The following AFF2 variants were observed in gnomAD, a reference collection of about 807,000 sequenced individuals.
AFF2 encodes AF4/FMR2 family member 2.
In AFF2, 14 loss-of-function variants were observed where a neutral mutation model predicts 76.9. The observed-to-expected ratio is 0.18, with a 90% CI of 0.12 to 0.28. AFF2 has a LOEUF of 0.28. Among genes scored for constraint, AFF2 ranks in the 10% least tolerant of loss-of-function variants. AFF2 has a pLI of 1.00. For missense variants in AFF2, 868 were observed against 1,001.1 expected (o/e 0.87, Z 1.79); for synonymous variants, 398 against 366.7 (o/e 1.09, Z -0.98).
intron 3 of AFF2, among the ~76,000 whole-genome samples, chrX:148,768,338 G>C (rs1391626961): frequency 1.8e-5 from 2 of 109,734 alleles, no homozygotes; most frequent in Non-Finnish European, 3.8e-5. Context: ...GGCTGGCCTG[G>C]GACATGTGTC....
At chrX:148,804,901 A>G (rs782034203) in intron 3 of AFF2, among the ~76,000 whole-genome samples, 2 of 111,801 alleles carry the variant, frequency 1.8e-5, no homozygotes, top group Non-Finnish European at 3.8e-5. Flanking sequence ...TAGTTTTCCA[A>G]ATTCATTTTG....
At chrX:148,800,034 A>G (rs1430781324) in intron 3 of AFF2, among the ~76,000 whole-genome samples, 1 of 112,123 alleles carries the variant, frequency 8.9e-6, no homozygotes, top group Non-Finnish European at 1.9e-5. Flanking sequence ...CAGATCTAAG[A>G]GATTTCAGAA....
chrX:148,764,380 G>A (rs1412204448), intron 3 of AFF2, among the ~76,000 whole-genome samples: 3 of 112,138 alleles, frequency 2.7e-5, no homozygotes, highest in Non-Finnish European at 3.8e-5. Flanking sequence ...ATTAGAATTA[G>A]CATTAAAAGA....
intron 1 of AFF2, among the ~76,000 whole-genome samples, chrX:148,532,065 A>G (rs2052736468): frequency 1.8e-5 from 2 of 111,063 alleles, no homozygotes; most frequent in Admixed American, 1.9e-4. Context: ...CAGAACATAC[A>G]AATTGATATT....
rs782714825 is a variant in AFF2, at chrX:148,617,048, CTT to C, written c.48-34949_48-34948del. Reference sequence around the variant, plus strand: ...ACAATAAACATACGTGTGCATGTGTCTTTATAGCAGCATGATTTATAGTCCTT... The same window carrying C: ...ACAATAAACATACGTGTGCATGTGTCTATAGCAGCATGATTTATAGTCCTT... On this transcript the variant is annotated intron_variant, in intron 1 of 20. Transcript: ENST00000370460. Among the ~76,000 whole-genome samples the C allele has an allele frequency of 2.1e-4, 23 of 111,784 alleles. No individual in the cohort carries two copies. The East Asian group carries it at 5.9e-3, about 29-fold the overall frequency.
Position 148,980,790 on chromosome X carries a change from A to G in AFF2, c.3623A>G (p.Lys1208Arg). ...QIPSPWVSNGKNTPSPVSLNN... is the reference protein window; with the variant it reads ...QIPSPWVSNGRNTPSPVSLNN... ...CCCTCTCCATGGGTAAGCAATGGAAAGTAAGTATTTTCTGAAAATTGCTTT... is the reference window on the plus strand; with the variant it reads ...CCCTCTCCATGGGTAAGCAATGGAAGGTAAGTATTTTCTGAAAATTGCTTT... Residue 1208 changes from lysine to arginine, a missense_variant and splice_region_variant, in exon 19 of 21, where the codon AAG becomes AGG. By Grantham distance (26) the Lys-to-Arg change is conservative. Around this residue, in one of 6 missense-constraint regions of AFF2, gnomAD observed 46 missense variants for 40.8 expected, o/e 1.13. Coordinates refer to ENST00000370460, the MANE Select transcript of AFF2 (RefSeq NM_002025.4). 8.4e-7 allele frequency: 1 copy of G among 1,187,658 alleles called. No homozygotes were observed. Among genetic ancestry groups the G allele is most frequent in the Non-Finnish European group, 1.1e-6 (1 of 878,702 alleles).
At chrX:148,643,110 A>C (rs2054106368) in intron 1 of AFF2, among the ~76,000 whole-genome samples, 1 of 111,838 alleles carries the variant, frequency 8.9e-6, no homozygotes, top group Admixed American at 9.5e-5. Context: ...AGAGTGAATG[A>C]AGAAATATTG....
intron 3 of AFF2, among the ~76,000 whole-genome samples, chrX:148,752,172 A>G (rs1196927342): frequency 6.3e-5 from 7 of 111,797 alleles, no homozygotes; most frequent in Non-Finnish European, 9.4e-5. Flanking sequence ...GGGAATGTAA[A>G]CATTCAGACT....
intron 3 of AFF2, among the ~76,000 whole-genome samples, chrX:148,765,373 T>C (rs1310186769): frequency 2.7e-5 from 3 of 112,051 alleles, no homozygotes; most frequent in African/African-American, 9.7e-5. Flanking sequence ...CATTCTGTCA[T>C]ACAATGATGC....
At chrX:148,920,989 A>C (rs185825738) in intron 9 of AFF2, among the ~76,000 whole-genome samples, 6 of 111,392 alleles carry the variant, frequency 5.4e-5, no homozygotes, top group African/African-American at 2.0e-4. Flanking sequence ...GAGCCGCTGC[A>C]GCAAACCCTG....
intron 3 of AFF2, 120 bp downstream of exon 3, chrX:148,662,888 T>G: frequency 1.3e-6 from 1 of 769,781 alleles, no homozygotes. Context: ...AGGATACTCT[T>G]CAAGTTCAGG....
At chrX:148,815,195 A>T (rs782098456) in intron 4 of AFF2, among the ~76,000 whole-genome samples, 1 of 112,005 alleles carries the variant, frequency 8.9e-6, no homozygotes, top group South Asian at 3.7e-4. Context: ...AATTTAGACT[A>T]TAATTAATGT....
Position 148,987,506 on chromosome X carries a change from C to A in AFF2, c.3763C>A (p.Arg1255=). ...SHVNITSNVL[R]GYEHWDMADK... is the part of the protein sequence containing the mutation. ...CGTCAACATCACTAGCAATGTGTTA[C>A]GGGGCTATGAACACTGGGATATGGC... Residue 1255 remains arginine, a synonymous_variant, in exon 20 of 21, where the codon CGG becomes AGG. Coordinates refer to ENST00000370460, the MANE Select transcript of AFF2 (RefSeq NM_002025.4). 1 of 1,211,414 alleles carries A rather than the reference C, an allele frequency of 8.3e-7. No homozygotes were observed. Among genetic ancestry groups the A allele is most frequent in the South Asian group, 1.8e-5 (1 of 56,925 alleles).
Position 148,780,709 on chromosome X carries a change from G to A in AFF2, c.1042-29167G>A, listed in dbSNP as rs147049314. On this transcript the variant is annotated intron_variant, in intron 3 of 20. Transcript: ENST00000370460. The stretch of plus-strand genomic sequence containing the variant: ...AGGTTAGAACATGCTCCTTTAGCTC[G>A]GAGGAGTTTGTTATTACCCAGCTTC... Among the ~76,000 whole-genome samples, 739 of 111,519 alleles carry A rather than the reference G, an allele frequency of 6.6e-3. 6 individuals carry two copies. The highest frequency in any genetic ancestry group is 0.023 in the African/African-American group (695 of 30,625).
intron 1 of AFF2, among the ~76,000 whole-genome samples, chrX:148,646,853 A>G (rs1169678346): frequency 8.9e-6 from 1 of 111,838 alleles, no homozygotes; most frequent in Non-Finnish European, 1.9e-5. Flanking sequence ...CTCCAGATCC[A>G]AGGTTCTTGT....
intron 1 of AFF2, among the ~76,000 whole-genome samples, chrX:148,533,527 C>T (rs1261230490): frequency 9.0e-6 from 1 of 111,192 alleles, no homozygotes; most frequent in Non-Finnish European, 1.9e-5. Context: ...CTCCTGACCT[C>T]GTGATCCGCC....
In AFF2 at chrX:148,955,747, G is replaced by A. The variant is rs1369501597; in HGVS notation, c.1702G>A (p.Val568Ile). 17 of 1,209,993 alleles carry A rather than the reference G, an allele frequency of 1.4e-5. No homozygotes were observed. The highest frequency in any genetic ancestry group is 1.9e-5 in the Non-Finnish European group (17 of 895,319). ...TCCTCCAATCATCCAACCAATGGAA[G>A]TCCAGATGAAAGTGAAGACGAATGC... is the stretch of plus-strand genomic sequence containing the variant. The part of the protein sequence containing the change: ...LPPPIIQPME[V>I]QMKVKTNASQ... Residue 568 changes from valine to isoleucine, a missense_variant, in exon 11 of 21, where the codon GTC becomes ATC. Val to Ile is a conservative substitution (Grantham distance 29). Coordinates refer to ENST00000370460, the MANE Select transcript of AFF2 (RefSeq NM_002025.4).
At chrX:148,809,826 A>G (rs781817643) in intron 3 of AFF2, 50 bp from the exon 4 acceptor site, 6 of 1,147,942 alleles carry the variant, frequency 5.2e-6, no homozygotes, top group Non-Finnish European at 7.1e-6. Context: ...ACTATTATAC[A>G]AGAAGAAGAA....
chrX:148,660,884 C>A lies in AFF2; in HGVS notation c.181-1024C>A, dbSNP rs370143444. The stretch of plus-strand genomic sequence containing the variant: ...TCACTTTTGGGGGTGATCAACTGAG[C>A]TTTCATCAAAGTCATTTCCAAGTAT... On this transcript the variant is annotated intron_variant, in intron 2 of 20. Transcript: ENST00000370460. Among the ~76,000 whole-genome samples, 4 of 112,591 alleles carry A rather than the reference C, an allele frequency of 3.6e-5. No homozygotes were observed. The East Asian group carries it at 1.1e-3, about 31-fold the overall frequency.
Sources: gnomAD v4.1 joint callset for allele counts (sites outside exome capture counted in the v4.1 genomes callset) on GRCh38, gnomAD v4.1.1 for gene constraint, gnomAD v4.1.1 regional missense constraint, MANE v1.5 for transcripts, NCBI Gene and HGNC (gene_info 2026-07-23, HGNC 2026-07-21) for gene names.